The following CNTNAP2 variants were observed in gnomAD, a reference collection of about 807,000 sequenced individuals.
CNTNAP2 encodes the protein contactin-associated protein-like 2.
A neutral mutation model predicts 155.2 loss-of-function variants in CNTNAP2; 98 were observed. The observed-to-expected ratio is 0.63, with a 90% CI of 0.54 to 0.75. The LOEUF (loss-of-function observed/expected upper bound fraction) is 0.75, where lower values mean the gene tolerates loss of function less well. Among genes scored for constraint, CNTNAP2 ranks in the 30% least tolerant of loss-of-function variants. The pLI, the probability that CNTNAP2 is intolerant of heterozygous loss-of-function variation, is 0.00. For synonymous variants in CNTNAP2, 651 were observed against 631.2 expected (o/e 1.03, Z -0.47); for missense variants, 1,727 against 1,688.1 (o/e 1.02, Z -0.40).
chr7:146,179,367 C>A (rs1432776077), intron 1 of CNTNAP2, among the ~76,000 whole-genome samples: 1 of 150,486 alleles, frequency 6.6e-6, no homozygotes, highest in Non-Finnish European at 1.5e-5. Flanking sequence ...TGTGGAAAGC[C>A]AAGACTATCT....
intron 1 of CNTNAP2, among the ~76,000 whole-genome samples, chr7:146,519,067 G>C (rs1563116833): frequency 6.6e-6 from 1 of 151,874 alleles, no homozygotes; most frequent in Admixed American, 6.6e-5. Flanking sequence ...TCACATGTCT[G>C]CATCTCTAAA....
At chr7:146,336,446 A>T (rs1801276304) in intron 1 of CNTNAP2, among the ~76,000 whole-genome samples, 1 of 152,274 alleles carries the variant, frequency 6.6e-6, no homozygotes, top group African/African-American at 2.4e-5. Context: ...ATAAAACTAC[A>T]AACTTTTAGA....
At chr7:146,907,194 G>A (rs2129215489) in intron 3 of CNTNAP2, among the ~76,000 whole-genome samples, 1 of 152,140 alleles carries the variant, frequency 6.6e-6, no homozygotes, top group South Asian at 2.1e-4. Context: ...TGAAAATGAT[G>A]TGGAGAATGG....
intron 1 of CNTNAP2, among the ~76,000 whole-genome samples, chr7:146,722,619 G>A (rs1365839794): frequency 2.0e-5 from 3 of 152,028 alleles, no homozygotes; most frequent in Non-Finnish European, 4.4e-5. Context: ...TATTTACTAT[G>A]TAAGTGACAT....
chr7:147,998,569 G>A (rs946926219), intron 15 of CNTNAP2, among the ~76,000 whole-genome samples: 2 of 152,172 alleles, frequency 1.3e-5, no homozygotes, highest in African/African-American at 2.4e-5. Context: ...ACACATAAAG[G>A]TTAAAGGGCA....
intron 10 of CNTNAP2, among the ~76,000 whole-genome samples, chr7:147,466,875 T>C (rs1798129639): frequency 6.6e-6 from 1 of 152,128 alleles, no homozygotes; most frequent in African/African-American, 2.4e-5. Flanking sequence ...GCCAAGATCA[T>C]GCCATTGCTC....
chr7:147,101,043 A>T (rs932842457), intron 4 of CNTNAP2, among the ~76,000 whole-genome samples: 2 of 152,182 alleles, frequency 1.3e-5, no homozygotes, highest in Non-Finnish European at 2.9e-5. Context: ...AGAACAAGAA[A>T]AATGGCTGCT....
rs1182393446 is a variant in CNTNAP2, at chr7:147,677,624, G to GT, written c.2098+38323dup. Among the ~76,000 whole-genome samples, 3 of 151,276 alleles carry GT rather than the reference G, an allele frequency of 2.0e-5. No individual in the cohort carries two copies. The East Asian group carries it at 5.8e-4, about 29-fold the overall frequency. ...ATGTCATGTAGCTTTTTTTTCTATG[G>GT]TTTTTCAACGAGTTTCACAGTTTGG... On this transcript the variant is annotated intron_variant, in intron 13 of 23. Transcript: ENST00000361727.
chr7:147,133,966 C>A (rs563293583), intron 8 of CNTNAP2, among the ~76,000 whole-genome samples: 1 of 151,728 alleles, frequency 6.6e-6, no homozygotes, highest in African/African-American at 2.4e-5. Flanking sequence ...TACAGCAAAT[C>A]GAAAATATCT....
intron 1 of CNTNAP2, among the ~76,000 whole-genome samples, chr7:146,648,934 T>A (rs1799860140): frequency 1.3e-5 from 2 of 152,072 alleles, no homozygotes; most frequent in African/African-American, 4.8e-5. Flanking sequence ...TAAATCTAAT[T>A]GTTGGCGGAC....
chr7:147,187,505 C>T (rs1265290572), intron 8 of CNTNAP2, among the ~76,000 whole-genome samples: 4 of 152,014 alleles, frequency 2.6e-5, no homozygotes, highest in African/African-American at 7.2e-5. Flanking sequence ...GTGAACTAAC[C>T]TAGAAACAGA....
At chr7:146,368,055 AG>A (rs767568431) in intron 1 of CNTNAP2, among the ~76,000 whole-genome samples, 2 of 152,042 alleles carry the variant, frequency 1.3e-5, no homozygotes, top group Non-Finnish European at 2.9e-5. Flanking sequence ...TTGAGTTCTT[AG>A]GTACATCTAT....
intron 3 of CNTNAP2, among the ~76,000 whole-genome samples, chr7:146,966,227 G>T (rs1015255252): frequency 1.3e-5 from 2 of 152,240 alleles, no homozygotes; most frequent in Admixed American, 1.3e-4. Flanking sequence ...TGAACAGGAA[G>T]AAGTATTCTG....
chr7:147,395,505 A>T, intron 9 of CNTNAP2, 104 bp from the exon 10 acceptor site: 1 of 1,098,640 alleles, frequency 9.1e-7, no homozygotes, highest in Non-Finnish European at 1.4e-6. Context: ...TTAAAGAAAC[A>T]GTAGTTGGAT....
chr7:147,479,291 A>G (rs1584759577), intron 10 of CNTNAP2, among the ~76,000 whole-genome samples: 1 of 152,216 alleles, frequency 6.6e-6, no homozygotes, highest in Non-Finnish European at 1.5e-5. Context: ...TTTTTCTAAT[A>G]TCTGGCATAT....
At chr7:146,979,180 T>G (rs373521154) in intron 3 of CNTNAP2, among the ~76,000 whole-genome samples, 39 of 152,302 alleles carry the variant, frequency 2.6e-4, no homozygotes, top group African/African-American at 9.4e-4. Flanking sequence ...CAGTTGTCTT[T>G]ACTCTAAATG....
At chr7:147,400,517 AT>A (rs202177615) in intron 10 of CNTNAP2, among the ~76,000 whole-genome samples, 113 of 151,388 alleles carry the variant, frequency 7.5e-4, no homozygotes, top group Non-Finnish European at 1.2e-3. Flanking sequence ...TGGTTTGACA[AT>A]TTTTTTTTCT....
intron 13 of CNTNAP2, among the ~76,000 whole-genome samples, chr7:147,881,713 G>A (rs983968457): frequency 2.0e-5 from 3 of 152,340 alleles, no homozygotes; most frequent in East Asian, 3.9e-4. Flanking sequence ...GCTCACGCCT[G>A]TAATCCCAGC....
chr7:147,291,497 T>C (rs1805311414), intron 8 of CNTNAP2, among the ~76,000 whole-genome samples: 1 of 152,160 alleles, frequency 6.6e-6, no homozygotes, highest in Admixed American at 6.6e-5. Flanking sequence ...AGTTCATTCC[T>C]TTTTCTTTTT....
Sources: allele counts gnomAD v4.1 joint callset (sites outside exome capture counted in the v4.1 genomes callset), GRCh38; gene constraint gnomAD v4.1.1; transcripts MANE v1.5; gene names NCBI Gene and HGNC (gene_info 2026-07-23, HGNC 2026-07-21).